Variants in ANO10 observed in about 807,000 individuals in gnomAD.
The protein encoded by ANO10 is anoctamin-10.
A neutral mutation model predicts 74.7 loss-of-function variants in ANO10; 77 were observed. That is an observed-to-expected ratio of 1.03 (90% CI 0.86 to 1.25). ANO10 has a LOEUF of 1.25. ANO10 is among the 50% of genes most tolerant of loss of function. The probability of loss-of-function intolerance (pLI) is 0.00; values close to 1 mark genes in which losing one functional copy is unlikely to be tolerated. For missense variants in ANO10, 721 were observed against 778.1 expected, an observed-to-expected ratio of 0.93 and a Z score of 0.87; for synonymous variants, 279 against 284.9, an observed-to-expected ratio of 0.98 and a Z score of 0.21.
chr3:43,570,172 G>A (rs1271129583), intron 7 of ANO10, among the ~76,000 whole-genome samples: 11 of 134,040 alleles, frequency 8.2e-5, no homozygotes, highest in Non-Finnish European at 1.3e-4. Context: ...CACTGCTCAA[G>A]GAAATAAAAG....
chr3:43,536,837 C>T (rs190309351), intron 11 of ANO10, among the ~76,000 whole-genome samples: 1 of 152,060 alleles, frequency 6.6e-6, no homozygotes, highest in East Asian at 1.9e-4. Context: ...AAAAGATTTT[C>T]TAAAGCATTT....
chr3:43,681,607 C>CA (rs1324351502), intron 1 of ANO10, among the ~76,000 whole-genome samples: 1 of 152,172 alleles, frequency 6.6e-6, no homozygotes, highest in Non-Finnish European at 1.5e-5. Flanking sequence ...CTCTCCACCC[C>CA]AAAATCAACA....
intron 10 of ANO10, chr3:43,551,674 C>G (rs771074028): frequency 9.6e-6 from 4 of 418,812 alleles, no homozygotes; most frequent in African/African-American, 2.0e-5. Flanking sequence ...TAATTTGACA[C>G]TTTTATCATC....
At chr3:43,475,761 G>C (rs2076042311) in intron 11 of ANO10, among the ~76,000 whole-genome samples, 1 of 152,044 alleles carries the variant, frequency 6.6e-6, no homozygotes, top group Non-Finnish European at 1.5e-5. Flanking sequence ...ACCACACCTG[G>C]CAAAGTTTTT....
At chr3:43,463,624 T>A (rs1249543151) in intron 11 of ANO10, among the ~76,000 whole-genome samples, 2 of 152,218 alleles carry the variant, frequency 1.3e-5, no homozygotes, top group East Asian at 1.9e-4. Flanking sequence ...ATGGCTGTAT[T>A]TACCCAATGC....
chr3:43,608,966 G>C (rs1002868008), intron 1 of ANO10, among the ~76,000 whole-genome samples: 4 of 152,076 alleles, frequency 2.6e-5, no homozygotes, highest in Non-Finnish European at 5.9e-5. Context: ...GACAGCTTTT[G>C]TAATATAGGA....
In ANO10 at chr3:43,555,420, C is replaced by T. The variant is rs369410702; in HGVS notation, c.1526G>A (p.Ser509Asn). ...TAATGGGTAAACACAGGAGAAAAGG[C>T]TCACATAACCAAACTGCAGGAATAA... ...LELFLQFGYVSLFSCVYPLAA... is the reference protein window; with the variant it reads ...LELFLQFGYVNLFSCVYPLAA... Residue 509 changes from serine to asparagine, a missense_variant, in exon 10 of 13, where the codon AGC becomes AAC. Physicochemically the swap from Ser to Asn is conservative, Grantham distance 46. Coordinates refer to ENST00000292246, the MANE Select transcript of ANO10 (RefSeq NM_018075.5). 3.1e-6 allele frequency: 5 copies of T among 1,613,972 alleles called. No homozygotes were observed. The highest frequency in any genetic ancestry group is 4.2e-6 in the Non-Finnish European group (5 of 1,180,024).
intron 11 of ANO10, among the ~76,000 whole-genome samples, chr3:43,488,941 C>G (rs969066503): frequency 6.6e-6 from 1 of 151,090 alleles, no homozygotes; most frequent in African/African-American, 2.4e-5. Context: ...CAATGATAGA[C>G]TGGATTAAGA....
chr3:43,432,295 G>A (rs1045938244), intron 12 of ANO10, among the ~76,000 whole-genome samples: 2 of 152,086 alleles, frequency 1.3e-5, no homozygotes, highest in Non-Finnish European at 1.5e-5. Context: ...TCAGTAGATG[G>A]CAAAACTGGA....
intron 1 of ANO10, among the ~76,000 whole-genome samples, chr3:43,664,535 T>C (rs1269921627): frequency 6.6e-6 from 1 of 152,088 alleles, no homozygotes; most frequent in African/African-American, 2.4e-5. Flanking sequence ...ACAAATGGGA[T>C]CTAATTAAAC....
chr3:43,561,457 C>A, intron 8 of ANO10, 55 bp from the exon 9 acceptor site: 1 of 1,448,292 alleles, frequency 6.9e-7, no homozygotes, highest in Non-Finnish European at 9.6e-7. Context: ...AAAACTATAG[C>A]ATTTGTATAA....
chr3:43,610,460 T>C (rs765984556), intron 1 of ANO10, among the ~76,000 whole-genome samples: 2 of 152,232 alleles, frequency 1.3e-5, no homozygotes, highest in Non-Finnish European at 2.9e-5. Context: ...TCAGGTATTA[T>C]GTACTATACA....
intron 7 of ANO10, among the ~76,000 whole-genome samples, chr3:43,569,639 C>T (rs2080584494): frequency 6.9e-6 from 1 of 143,888 alleles, no homozygotes; most frequent in South Asian, 2.3e-4. Context: ...TTCAACAAAC[C>T]TTCATGCTAA....
chr3:43,606,529 G>C (rs2082572989), intron 1 of ANO10, among the ~76,000 whole-genome samples: 1 of 152,010 alleles, frequency 6.6e-6, no homozygotes. Context: ...AGGCCAGTTA[G>C]GGGGCCATTA....
intron 12 of ANO10, among the ~76,000 whole-genome samples, chr3:43,422,781 T>C (rs1363389295): frequency 6.6e-6 from 1 of 152,252 alleles, no homozygotes; most frequent in Non-Finnish European, 1.5e-5. Flanking sequence ...TTTTACAGTT[T>C]GCTTAGCAAA....
intron 4 of ANO10, among the ~76,000 whole-genome samples, chr3:43,596,281 C>T (rs1487489541): frequency 1.3e-5 from 2 of 152,100 alleles, no homozygotes; most frequent in African/African-American, 4.8e-5. Flanking sequence ...TCATATGGAA[C>T]CAAAAAAGAA....
chr3:43,623,025 C>G (rs578147583), upstream of ANO10, among the ~76,000 whole-genome samples: 3 of 152,246 alleles, frequency 2.0e-5, no homozygotes, highest in Admixed American at 2.0e-4. Context: ...ACCATCATGC[C>G]CAGCTAATTT....
intron 2 of ANO10, among the ~76,000 whole-genome samples, chr3:43,603,772 AC>A (rs1292719626): frequency 6.6e-6 from 1 of 152,010 alleles, no homozygotes; most frequent in Non-Finnish European, 1.5e-5. Flanking sequence ...TCCGTTAGCA[AC>A]CCCCTGATTT....
chr3:43,411,807 G>A (rs2092669825), intron 12 of ANO10, among the ~76,000 whole-genome samples: 1 of 152,102 alleles, frequency 6.6e-6, no homozygotes, highest in Non-Finnish European at 1.5e-5. Context: ...GTTTTGCAGA[G>A]AAATTAGTTT....
Sources: gnomAD v4.1 joint callset for allele counts (sites outside exome capture counted in the v4.1 genomes callset) on GRCh38, gnomAD v4.1.1 for gene constraint, MANE v1.5 for transcripts, NCBI Gene and HGNC (gene_info 2026-07-23, HGNC 2026-07-21) for gene names.